Variants in ATP7B observed in about 807,000 individuals in gnomAD.
The protein encoded by ATP7B is ATPase copper transporting beta.
In ATP7B, 113 loss-of-function variants were observed where a neutral mutation model predicts 118.9. The ratio of observed to expected loss-of-function variants is 0.95; its 90% CI spans 0.82 to 1.11. The LOEUF is 1.11. ATP7B is among the 50% of genes most tolerant of loss of function. The pLI is 0.00. For synonymous variants in ATP7B, 777 were observed against 727.4 expected (o/e 1.07, Z -1.10); for missense variants, 1,867 against 1,871.4 (o/e 1.00, Z 0.04).
At chr13:52,010,747 CAATA>C (rs1953985348) in intron 1 of ATP7B, among the ~76,000 whole-genome samples, 1 of 152,154 alleles carries the variant, frequency 6.6e-6, no homozygotes, top group Non-Finnish European at 1.5e-5. Flanking sequence ...AGAAAGTTCT[CAATA>C]AATATTTGCC....
At chr13:51,967,735 A>T (rs974925905) in intron 4 of ATP7B, among the ~76,000 whole-genome samples, 1 of 152,260 alleles carries the variant, frequency 6.6e-6, no homozygotes, top group African/African-American at 2.4e-5. Flanking sequence ...GCCTGGGTAA[A>T]GCAGCATCAT....
intron 7 of ATP7B, chr13:51,959,767 T>A: frequency 3.6e-6 from 1 of 280,304 alleles, no homozygotes; most frequent in South Asian, 4.1e-5. Context: ...AAGAGTGGCA[T>A]GGGCTCAAGG....
chr13:51,967,413 C>G (rs894841031), intron 4 of ATP7B, among the ~76,000 whole-genome samples: 2 of 152,094 alleles, frequency 1.3e-5, no homozygotes, highest in African/African-American at 2.4e-5. Context: ...TCCAATAATC[C>G]TCTTGCTTTA....
chr13:51,936,083 A>C lies in ATP7B; in HGVS notation c.4022-388T>G, dbSNP rs893780207. 1.7e-4 allele frequency among the ~76,000 whole-genome samples: 26 copies of C among 152,132 alleles called. 1 individual carries two copies. The highest frequency in any genetic ancestry group is 4.6e-4 in the Admixed American group (7 of 15,276). Reference sequence around the variant, plus strand: ...AGCCACAGTCCCACAGAGGACAAACACGGCTGAGGGCCACAGTCCTTCTCT... The same window carrying C: ...AGCCACAGTCCCACAGAGGACAAACCCGGCTGAGGGCCACAGTCCTTCTCT... On this transcript the variant is annotated intron_variant, in intron 19 of 20. Transcript: ENST00000242839.
In ATP7B at chr13:51,974,271, C is replaced by T. The variant is rs1464022312; in HGVS notation, c.949G>A (p.Ala317Thr). The change falls in exon 2 of 21, where the codon GCA becomes ACA. Residue 317 changes from alanine to threonine, a missense_variant. By Grantham distance (58) the Ala-to-Thr change is moderately conservative. Coordinates refer to ENST00000242839, the MANE Select transcript of ATP7B (RefSeq NM_000053.4). Reference sequence around the variant, plus strand: ...ACTTTAAAATTCCCAGGTGGAAGTGCCTCGATAGCCCTCTGCAGAGCCACT... The same window carrying T: ...ACTTTAAAATTCCCAGGTGGAAGTGTCTCGATAGCCCTCTGCAGAGCCACT... Reference protein sequence around the residue: ...SPVALQRAIEALPPGNFKVSL... With the variant: ...SPVALQRAIETLPPGNFKVSL... The T allele has an allele frequency of 6.2e-7, 1 of 1,614,088 alleles. No homozygotes were observed. The highest frequency in any genetic ancestry group is 8.5e-7 in the Non-Finnish European group (1 of 1,180,006).
At chr13:51,942,292 G>A (rs569995566) in intron 15 of ATP7B, 94 bp downstream of exon 15, 90 of 1,580,532 alleles carry the variant, frequency 5.7e-5, no homozygotes, top group Admixed American at 6.7e-5. Flanking sequence ...ACCGTCTGCC[G>A]CACAGCAGAG....
At chr13:51,990,837 C>T (rs1344476028) in intron 1 of ATP7B, among the ~76,000 whole-genome samples, 1 of 152,244 alleles carries the variant, frequency 6.6e-6, no homozygotes, top group Non-Finnish European at 1.5e-5. Context: ...TACCTGTAAT[C>T]CCAGCACTTC....
chr13:51,946,957 T>C (rs1172780516), intron 12 of ATP7B, among the ~76,000 whole-genome samples: 1 of 152,220 alleles, frequency 6.6e-6, no homozygotes, highest in Non-Finnish European at 1.5e-5. Context: ...TTAGGAAAGC[T>C]TAAAAATGCT....
intron 1 of ATP7B, among the ~76,000 whole-genome samples, chr13:51,985,510 A>G (rs1332912889): frequency 6.6e-6 from 1 of 152,214 alleles, no homozygotes; most frequent in Non-Finnish European, 1.5e-5. Context: ...CAGATCAATG[A>G]GGCAGAAAAT....
intron 1 of ATP7B, among the ~76,000 whole-genome samples, chr13:52,010,808 C>A (rs1953989145): frequency 6.6e-6 from 1 of 152,234 alleles, no homozygotes; most frequent in African/African-American, 2.4e-5. Flanking sequence ...AAAAATAGAT[C>A]TGCTTTTTGT....
At position 51,937,382 on chromosome 13, in the gene ATP7B, C is replaced by G; in HGVS notation, c.3915G>C (p.Leu1305=). The G allele has an allele frequency of 1.9e-6, 3 of 1,614,236 alleles. No homozygotes were observed. The highest frequency in any genetic ancestry group is 2.5e-6 in the Non-Finnish European group (3 of 1,180,040). The change falls in exon 19 of 21, where the codon CTG becomes CTC. Residue 1305 remains leucine (L), a synonymous_variant. Transcript: ENST00000242839. The stretch of plus-strand genomic sequence containing the variant: ...AAAGGTGAATGCTAGCCACCACATC[C>G]AGCAAATCATTCTGATGGAGAGGAG... The part of the protein sequence containing the change: ...ADVVLIRNDL[L]DVVASIHLSK...
intron 1 of ATP7B, among the ~76,000 whole-genome samples, chr13:51,997,120 T>C (rs1417167196): frequency 1.3e-5 from 2 of 152,230 alleles, no homozygotes; most frequent in African/African-American, 4.8e-5. Context: ...CTTGCTTATC[T>C]ATGTCTCTCC....
chr13:51,935,855 C>A (rs559211523), intron 19 of ATP7B, among the ~76,000 whole-genome samples, 160 bp from the exon 20 acceptor site: 2 of 152,234 alleles, frequency 1.3e-5, no homozygotes, highest in South Asian at 2.1e-4. Context: ...AGGCCCCCCC[C>A]AAAGTGAGGC....
chr13:52,011,893 G>A (rs915710994), upstream of ATP7B: 11 of 268,220 alleles, frequency 4.1e-5, no homozygotes, highest in Non-Finnish European at 5.8e-5. Context: ...CCCACCGCCT[G>A]CGGGGAAGGT....
intron 1 of ATP7B, among the ~76,000 whole-genome samples, chr13:51,980,890 C>T (rs1952379226): frequency 6.6e-6 from 1 of 152,186 alleles, no homozygotes; most frequent in African/African-American, 2.4e-5. Flanking sequence ...CAATATATCA[C>T]CTCCCCCCAT....
intron 19 of ATP7B, 112 bp downstream of exon 19, chr13:51,937,164 T>A: frequency 4.1e-6 from 4 of 985,970 alleles, no homozygotes; most frequent in Non-Finnish European, 6.3e-6. Flanking sequence ...ACAGCCTTTC[T>A]AAAACGCCTC....
upstream of ATP7B, chr13:52,011,614 C>A (rs527935730): frequency 1.4e-5 from 8 of 564,398 alleles, no homozygotes; most frequent in Non-Finnish European, 2.6e-5. Context: ...GGAGAGTGGG[C>A]CTCGGACCCT....
At position 51,935,704 on chromosome 13, in the gene ATP7B, G is replaced by T. The variant is rs1956918603; in HGVS notation, c.4022-9C>A. ...GATGGGCATGAAGACACCTGGGGAA[G>T]AAAGAACTCGCACTCACACCTAGGT... On this transcript the variant is annotated splice_polypyrimidine_tract_variant and intron_variant, in intron 19 of 20. Transcript: ENST00000242839. 1 of 1,607,820 alleles carries T rather than the reference G, an allele frequency of 6.2e-7. No homozygotes were observed. The highest frequency in any genetic ancestry group is 8.5e-7 in the Non-Finnish European group (1 of 1,177,266).
At chr13:51,950,768 G>C (rs1352022690) in intron 9 of ATP7B, among the ~76,000 whole-genome samples, 2 of 152,088 alleles carry the variant, frequency 1.3e-5, no homozygotes, top group African/African-American at 4.8e-5. Context: ...AGACATGGAA[G>C]GGCTTCTCTG....
Sources: allele counts gnomAD v4.1 joint callset (sites outside exome capture counted in the v4.1 genomes callset), GRCh38; gene constraint gnomAD v4.1.1; transcripts MANE v1.5; gene names NCBI Gene and HGNC (gene_info 2026-07-23, HGNC 2026-07-21).